MDGA2: variants seen among roughly 807,000 people sequenced by gnomAD.
MDGA2 encodes MAM domain containing glycosylphosphatidylinositol anchor 2, also known as MAM domain-containing glycosylphosphatidylinositol anchor protein 2.
In MDGA2, 40 loss-of-function variants were observed where a neutral mutation model predicts 117.8. The ratio of observed to expected loss-of-function variants is 0.34; its 90% CI spans 0.26 to 0.44. MDGA2 has a LOEUF of 0.44. MDGA2 is among the 20% of genes least tolerant of loss of function. The pLI is 1.00. For synonymous variants in MDGA2, 452 were observed against 439.0 expected, an observed-to-expected ratio of 1.03 and a Z score of -0.37; for missense variants, 1,123 against 1,250.6, an observed-to-expected ratio of 0.90 and a Z score of 1.54.
intron 1 of MDGA2, among the ~76,000 whole-genome samples, chr14:47,572,849 C>A (rs1206826172): frequency 6.6e-6 from 1 of 152,166 alleles, no homozygotes; most frequent in African/African-American, 2.4e-5. Flanking sequence ...GTAAACCAAT[C>A]AGAACAGCAG....
At position 47,540,563 on chromosome 14, in the gene MDGA2, T is replaced by TATATACACAC. The variant is rs370481455; in HGVS notation, c.280+133953_280+133954insGTGTGTATAT. Among the ~76,000 whole-genome samples the TATATACACAC allele has an allele frequency of 1.4e-4, 16 of 112,538 alleles. No homozygotes were observed. In the East Asian group the frequency reaches 2.8e-3, roughly 19 times the overall value. 73.8% of individuals were successfully genotyped at this position (112,538 alleles called of 152,430 possible). On this transcript the variant is annotated intron_variant, in intron 1 of 16. Transcript: ENST00000399232. ...GTGTATATATATATATGTATATATA[T>TATATACACAC]ACACACACACATAGAGAGAGAGACA...
At chr14:47,318,810 G>GAAGGAAGGGAGGAAGC (rs1555373007) in intron 1 of MDGA2, among the ~76,000 whole-genome samples, 54 of 150,058 alleles carry the variant, frequency 3.6e-4, no homozygotes, top group Non-Finnish European at 6.6e-4. Context: ...AGGGAGGAAA[G>GAAGGAAGGGAGGAAGC]AAGGAAGGAA....
intron 2 of MDGA2, among the ~76,000 whole-genome samples, chr14:47,228,262 G>A (rs1237013365): frequency 6.6e-6 from 1 of 152,200 alleles, no homozygotes; most frequent in South Asian, 2.1e-4. Flanking sequence ...TGTTTGTCAG[G>A]GATCCCCAAG....
intron 3 of MDGA2, among the ~76,000 whole-genome samples, chr14:47,151,526 A>G (rs1883164166): frequency 6.6e-6 from 1 of 152,146 alleles, no homozygotes; most frequent in African/African-American, 2.4e-5. Flanking sequence ...CAATTTTCAT[A>G]CTTTATGACC....
At chr14:47,159,081 A>C (rs1883526639) in intron 3 of MDGA2, among the ~76,000 whole-genome samples, 1 of 152,222 alleles carries the variant, frequency 6.6e-6, no homozygotes, top group South Asian at 2.1e-4. Flanking sequence ...TTTTTAGGGC[A>C]GTGGAACTAC....
intron 1 of MDGA2, among the ~76,000 whole-genome samples, chr14:47,648,165 G>T (rs1254371654): frequency 6.6e-6 from 1 of 152,082 alleles, no homozygotes; most frequent in Admixed American, 6.6e-5. Flanking sequence ...ATTGTTAAGA[G>T]ACATGAATAC....
intron 10 of MDGA2, among the ~76,000 whole-genome samples, chr14:46,898,907 T>C (rs1883182051): frequency 6.6e-6 from 1 of 152,044 alleles, no homozygotes; most frequent in African/African-American, 2.4e-5. Flanking sequence ...AAAGAAAGTA[T>C]TTAATTGTCC....
chr14:47,172,744 C>A (rs1195212774), intron 3 of MDGA2, among the ~76,000 whole-genome samples: 1 of 152,168 alleles, frequency 6.6e-6, no homozygotes, highest in Non-Finnish European at 1.5e-5. Flanking sequence ...CAGAGCGCCT[C>A]TCCTCCTCCA....
At chr14:47,473,527 A>T (rs916023841) in intron 1 of MDGA2, among the ~76,000 whole-genome samples, 3 of 152,214 alleles carry the variant, frequency 2.0e-5, no homozygotes, top group Non-Finnish European at 4.4e-5. Flanking sequence ...AACTTCAATA[A>T]ATTAATATTA....
At chr14:47,125,882 A>G (rs1261365561) in intron 5 of MDGA2, among the ~76,000 whole-genome samples, 1 of 152,032 alleles carries the variant, frequency 6.6e-6, no homozygotes, top group African/African-American at 2.4e-5. Context: ...TAGGTAACCT[A>G]CTTAATTCTT....
intron 2 of MDGA2, among the ~76,000 whole-genome samples, chr14:47,255,176 G>C (rs139489518): frequency 6.6e-6 from 1 of 152,264 alleles, no homozygotes; most frequent in Non-Finnish European, 1.5e-5. Context: ...ATTCTGAAAG[G>C]TTGAAGTATC....
chr14:47,370,972 C>T (rs747988752), intron 1 of MDGA2, among the ~76,000 whole-genome samples: 1 of 151,706 alleles, frequency 6.6e-6, no homozygotes, highest in African/African-American at 2.4e-5. Flanking sequence ...ATATTCTACA[C>T]CTAGTTGATA....
rs535321819 is a variant in MDGA2 at position 47,384,308 on chromosome 14, A to C, written c.281-82758T>G. On this transcript the variant is annotated intron_variant, in intron 1 of 16. Transcript: ENST00000399232. ...GCTGCTGAGCCACATGAGGGGATCTAGTATCCAGGGGACTCCAATGTTCTG... is the reference window on the plus strand; with the variant it reads ...GCTGCTGAGCCACATGAGGGGATCTCGTATCCAGGGGACTCCAATGTTCTG... 1.1e-3 allele frequency among the ~76,000 whole-genome samples: 170 copies of C among 150,682 alleles called. 1 individual carries two copies. The highest frequency in any genetic ancestry group is 1.5e-3 in the Non-Finnish European group (104 of 67,804).
chr14:47,641,753 C>A (rs182623094), intron 1 of MDGA2, among the ~76,000 whole-genome samples: 1 of 152,210 alleles, frequency 6.6e-6, no homozygotes, highest in African/African-American at 2.4e-5. Context: ...GAAAGTTTTG[C>A]TGTAATACCT....
intron 1 of MDGA2, among the ~76,000 whole-genome samples, chr14:47,485,591 G>A (rs1165956296): frequency 1.3e-5 from 2 of 152,182 alleles, no homozygotes; most frequent in African/African-American, 2.4e-5. Flanking sequence ...TCCAGGGCAT[G>A]TCACAGGTCT....
At chr14:47,081,419 T>G (rs1349078076) in intron 6 of MDGA2, among the ~76,000 whole-genome samples, 1 of 152,112 alleles carries the variant, frequency 6.6e-6, no homozygotes, top group Non-Finnish European at 1.5e-5. Flanking sequence ...CACAAAACTA[T>G]TTTTGTAAAA....
At chr14:46,939,723 G>A (rs1221912817) in intron 9 of MDGA2, among the ~76,000 whole-genome samples, 1 of 152,160 alleles carries the variant, frequency 6.6e-6, no homozygotes, top group East Asian at 1.9e-4. Flanking sequence ...TCTCATGCAA[G>A]ATGGCAATAT....
intron 2 of MDGA2, among the ~76,000 whole-genome samples, chr14:47,253,329 T>A (rs1276671548): frequency 6.6e-6 from 1 of 152,114 alleles, no homozygotes; most frequent in East Asian, 1.9e-4. Flanking sequence ...TTCCTCCTAT[T>A]AGCCTGTAAA....
At chr14:47,024,120 T>C (rs939978814) in intron 8 of MDGA2, among the ~76,000 whole-genome samples, 2 of 152,156 alleles carry the variant, frequency 1.3e-5, no homozygotes, top group African/African-American at 4.8e-5. Context: ...GATGAGTAGA[T>C]AGGGATACAT....
Sources: gnomAD v4.1 joint callset for allele counts (sites outside exome capture counted in the v4.1 genomes callset) on GRCh38, gnomAD v4.1.1 for gene constraint, MANE v1.5 for transcripts, NCBI Gene and HGNC (gene_info 2026-07-23, HGNC 2026-07-21) for gene names.